Variants in SEMA6D observed in about 807,000 individuals in gnomAD.
The protein encoded by SEMA6D is semaphorin 6D.
SEMA6D carries 35 observed loss-of-function variants against 106.6 expected under a neutral mutation model. That is an observed-to-expected ratio of 0.33 (90% confidence interval 0.25 to 0.44). The LOEUF is 0.44. Ranked by LOEUF, SEMA6D falls within the 20% of genes least tolerant of loss-of-function variation. The pLI is 1.00. For missense variants in SEMA6D, 1,185 were observed against 1,345.9 expected, an observed-to-expected ratio of 0.88 and a Z score of 1.87; for synonymous variants, 499 against 487.7, an observed-to-expected ratio of 1.02 and a Z score of -0.31.
chr15:47,506,599 AACAC>A lies in SEMA6D; in HGVS notation c.-87+36084_-87+36087del, dbSNP rs61155774. On this transcript the variant is annotated intron_variant, in intron 3 of 19. Transcript: ENST00000558014. ...CTACATGGGCATTTACACACACACA[AACAC>A]ACACACACACACACACACACACACA... is the stretch of plus-strand genomic sequence containing the variant. Among the ~76,000 whole-genome samples, 539 of 137,860 alleles carry A rather than the reference AACAC, an allele frequency of 3.9e-3. 2 individuals are homozygous for A. Among genetic ancestry groups the A allele is most frequent in the South Asian group, 9.8e-3 (42 of 4,286 alleles). 90.4% of individuals were successfully genotyped at this position (137,860 alleles called of 152,430 possible). A position where few individuals can be genotyped will look rare whatever the true frequency, so the allele number is the denominator to read the frequency against.
At chr15:47,757,924 T>C (rs1487653152) in intron 1 of SEMA6D, among the ~76,000 whole-genome samples, 1 of 152,146 alleles carries the variant, frequency 6.6e-6, no homozygotes. Flanking sequence ...ATTATCCATA[T>C]TTTACAGATA....
At chr15:47,555,194 A>G (rs1031167527) in intron 3 of SEMA6D, among the ~76,000 whole-genome samples, 2 of 152,150 alleles carry the variant, frequency 1.3e-5, no homozygotes, top group Admixed American at 6.5e-5. Flanking sequence ...GGGAGGTAAG[A>G]TATTTTGCAG....
rs75392107 is a variant in SEMA6D at position 47,674,979 on chromosome 15, G to C, written c.-55+74083G>C. 4.1e-4 allele frequency among the ~76,000 whole-genome samples: 63 copies of C among 152,276 alleles called. 1 individual carries two copies. The East Asian group carries it at 0.012, about 29-fold the overall frequency. On this transcript the variant is annotated intron_variant, in intron 4 of 19. Coordinates refer to the SEMA6D transcript ENST00000558014. ...CTGGCTCAGTGATCTAAGTGAAAAC[G>C]AATGGTGAGCCTCCGCATGAGCAAA...
chr15:47,302,303 T>C (rs1191420536), intron 1 of SEMA6D, among the ~76,000 whole-genome samples: 1 of 152,116 alleles, frequency 6.6e-6, no homozygotes, highest in Non-Finnish European at 1.5e-5. Flanking sequence ...TAATTGTCCA[T>C]ATGTAAGCCC....
chr15:47,337,649 A>T (rs2037622231), intron 1 of SEMA6D, among the ~76,000 whole-genome samples: 1 of 152,152 alleles, frequency 6.6e-6, no homozygotes, highest in South Asian at 2.1e-4. Flanking sequence ...TTTGATAGAG[A>T]AGTAAACAAG....
In SEMA6D at chr15:47,761,393, G is replaced by C. The variant is rs1238573206; in HGVS notation, c.409G>C (p.Gly137Arg). The change falls in exon 6 of 19, where the codon GGT becomes CGT. Residue 137 changes from glycine to arginine, a missense_variant. By Grantham distance (125) the Gly-to-Arg change is moderately radical. Coordinates refer to ENST00000536845, the MANE Select transcript of SEMA6D (RefSeq NM_001358351.3). ...PRNDEMVFVC[G>R]TNAFNPMCRY... ...AAACGATGAGATGGTTTTTGTTTGT[G>C]GTACCAATGCATTCAATCCCATGTG... The C allele has an allele frequency of 6.2e-7, 1 of 1,613,192 alleles. No individual in the cohort carries two copies. Among genetic ancestry groups the C allele is most frequent in the Admixed American group, 1.7e-5 (1 of 59,974 alleles).
chr15:47,381,032 G>C (rs1456502011), intron 1 of SEMA6D, among the ~76,000 whole-genome samples: 2 of 152,202 alleles, frequency 1.3e-5, no homozygotes, highest in African/African-American at 4.8e-5. Flanking sequence ...TTTGTGGCCA[G>C]AAACATAAGA....
chr15:47,384,084 T>C (rs1217098854), intron 1 of SEMA6D, among the ~76,000 whole-genome samples: 6 of 152,196 alleles, frequency 3.9e-5, no homozygotes, highest in Non-Finnish European at 7.3e-5. Context: ...TCCAGGGACC[T>C]TCACAAAGAC....
intron 1 of SEMA6D, among the ~76,000 whole-genome samples, chr15:47,192,802 T>A (rs2140968933): frequency 6.6e-6 from 1 of 152,252 alleles, no homozygotes; most frequent in South Asian, 2.1e-4. Context: ...AGAGACAACT[T>A]GATGGGAAGA....
chr15:47,514,063 T>C (rs935699240), intron 3 of SEMA6D, among the ~76,000 whole-genome samples: 3 of 152,226 alleles, frequency 2.0e-5, no homozygotes, highest in African/African-American at 7.2e-5. Flanking sequence ...CACAAGTCAT[T>C]GCTAAACGGA....
chr15:47,498,056 CA>C (rs926198144), intron 3 of SEMA6D, among the ~76,000 whole-genome samples: 1 of 152,116 alleles, frequency 6.6e-6, no homozygotes, highest in African/African-American at 2.4e-5. Context: ...ACCACGAAAA[CA>C]CATTGATTCC....
chr15:47,630,663 G>C (rs1006577648), intron 4 of SEMA6D, among the ~76,000 whole-genome samples: 8 of 151,668 alleles, frequency 5.3e-5, no homozygotes, highest in African/African-American at 1.9e-4. Context: ...AGATATTCTT[G>C]CTTTGTTCTG....
chr15:47,766,823 G>A (rs1439982129), intron 16 of SEMA6D, 146 bp downstream of exon 16: 2 of 661,934 alleles, frequency 3.0e-6, no homozygotes, highest in Admixed American at 3.1e-5. Flanking sequence ...GAGCTGTTCG[G>A]TCATGGGGAT....
At chr15:47,767,227 T>C in intron 17 of SEMA6D, 134 bp downstream of exon 17, 1 of 576,210 alleles carries the variant, frequency 1.7e-6, no homozygotes, top group African/African-American at 1.9e-5. Context: ...TTCCCACTGA[T>C]GGTACCAAAA....
In SEMA6D at chr15:47,764,920, G is replaced by A. The variant is rs756494796; in HGVS notation, c.1291G>A (p.Gly431Arg). ...GGCCATCTCAGTGGACCATTCAGCCGGACCCTACCAGAACTACACAGTCAT... is the reference window on the plus strand; with the variant it reads ...GGCCATCTCAGTGGACCATTCAGCCAGACCCTACCAGAACTACACAGTCAT... ...LTAISVDHSA[G>R]PYQNYTVIFV... The change falls in exon 13 of 19, where the codon GGA becomes AGA. Residue 431 changes from glycine (G) to arginine (R), a missense_variant. By Grantham distance (125) the Gly-to-Arg change is moderately radical. Transcript: ENST00000536845. 62 of 1,613,764 alleles carry A rather than the reference G, an allele frequency of 3.8e-5. No individual in the cohort carries two copies. The highest frequency in any genetic ancestry group is 8.3e-5 in the Admixed American group (5 of 59,984).
chr15:47,549,281 T>A (rs990083785), intron 3 of SEMA6D, among the ~76,000 whole-genome samples: 1 of 152,136 alleles, frequency 6.6e-6, no homozygotes, highest in South Asian at 2.1e-4. Flanking sequence ...GCTGGGTGCA[T>A]GAAGGGAAGC....
chr15:47,632,870 T>C (rs193042854), intron 4 of SEMA6D, among the ~76,000 whole-genome samples: 1 of 152,126 alleles, frequency 6.6e-6, no homozygotes, highest in East Asian at 1.9e-4. Flanking sequence ...CTTGAATCTT[T>C]TTAGAATTCC....
At chr15:47,549,633 T>G (rs1354064876) in intron 3 of SEMA6D, among the ~76,000 whole-genome samples, 1 of 152,158 alleles carries the variant, frequency 6.6e-6, no homozygotes, top group African/African-American at 2.4e-5. Context: ...TGGGTTTTTT[T>G]TTGGACTAGG....
chr15:47,425,242 A>G (rs1420926423), intron 2 of SEMA6D, among the ~76,000 whole-genome samples: 1 of 152,002 alleles, frequency 6.6e-6, no homozygotes, highest in Non-Finnish European at 1.5e-5. Context: ...AGACAATTAC[A>G]TTATTTTGGG....
Sources: gnomAD v4.1 joint callset for allele counts (sites outside exome capture counted in the v4.1 genomes callset) on GRCh38, gnomAD v4.1.1 for gene constraint, MANE v1.5 for transcripts, NCBI Gene and HGNC (gene_info 2026-07-23, HGNC 2026-07-21) for gene names.